The following PIK3C2G variants were observed in gnomAD, a reference collection of about 807,000 sequenced individuals.
The protein encoded by PIK3C2G is phosphatidylinositol-4-phosphate 3-kinase catalytic subunit type 2 gamma, also known as phosphatidylinositol 3-kinase C2 domain-containing subunit gamma.
A neutral mutation model predicts 181.1 loss-of-function variants in PIK3C2G; 168 were observed. That is an observed-to-expected ratio of 0.93 (90% CI 0.82 to 1.05). The LOEUF (loss-of-function observed/expected upper bound fraction) is 1.05. Among genes scored for constraint, PIK3C2G ranks in the 50% least tolerant of loss-of-function variants. The pLI, the probability that PIK3C2G is intolerant of heterozygous loss-of-function variation, is 0.00. For missense variants in PIK3C2G, 1,869 were observed against 1,732.8 expected (o/e 1.08, Z -1.40); for synonymous variants, 573 against 592.2 (o/e 0.97, Z 0.47).
intron 30 of PIK3C2G, among the ~76,000 whole-genome samples, chr12:18,594,808 T>A (rs1163031632): frequency 6.6e-6 from 1 of 152,090 alleles, no homozygotes; most frequent in Non-Finnish European, 1.5e-5. Context: ...GACTCTATTT[T>A]GTCACTAGTC....
At chr12:18,691,190 A>T in the PIK3C2G span, among the ~76,000 whole-genome samples, 1 of 152,116 alleles carries the variant, frequency 6.6e-6, no homozygotes, top group African/African-American at 2.4e-5. Flanking sequence ...TGTGAAGGAG[A>T]TGTGAAAGAT....
intron 24 of PIK3C2G, among the ~76,000 whole-genome samples, chr12:18,530,770 C>A (rs1478213720): frequency 6.6e-6 from 1 of 152,036 alleles, no homozygotes; most frequent in Non-Finnish European, 1.5e-5. Context: ...TAGCACTTCC[C>A]CCTCACCTGC....
intron 4 of PIK3C2G, among the ~76,000 whole-genome samples, chr12:18,292,227 A>AAAAAAAAAATATATATAT: frequency 2.5e-4 from 12 of 48,728 alleles, no homozygotes; most frequent in African/African-American, 4.4e-4. Flanking sequence ...AAAAAAAAAA[A>AAAAAAAAAATATATATAT]ATATATATAT....
chr12:18,318,448 A>G (rs1344357509), intron 6 of PIK3C2G, among the ~76,000 whole-genome samples: 3 of 152,136 alleles, frequency 2.0e-5, no homozygotes, highest in African/African-American at 7.2e-5. Context: ...TATATACATC[A>G]TAAGAAGATA....
intron 11 of PIK3C2G, among the ~76,000 whole-genome samples, chr12:18,347,338 C>T (rs1159158708): frequency 6.6e-6 from 1 of 152,072 alleles, no homozygotes; most frequent in African/African-American, 2.4e-5. Context: ...AAATGAACGA[C>T]AATTACACAT....
chr12:18,243,597 T>G (rs1948007642), upstream of PIK3C2G, among the ~76,000 whole-genome samples: 1 of 152,024 alleles, frequency 6.6e-6, no homozygotes, highest in Non-Finnish European at 1.5e-5. Flanking sequence ...GAGTAGACAC[T>G]AAGCCCTGAA....
intron 18 of PIK3C2G, among the ~76,000 whole-genome samples, chr12:18,486,387 T>G (rs555597744): frequency 7.9e-5 from 12 of 152,204 alleles, no homozygotes; most frequent in African/African-American, 1.4e-4. Flanking sequence ...CAAACTGAGT[T>G]TTTCCTCCTT....
chr12:18,538,392 C>T, intron 25 of PIK3C2G, 80 bp downstream of exon 25: 1 of 1,220,050 alleles, frequency 8.2e-7, no homozygotes. Flanking sequence ...TTACTAATGG[C>T]TTGGAGTTCC....
At chr12:18,342,961 C>T (rs1287405007) in intron 9 of PIK3C2G, among the ~76,000 whole-genome samples, 1 of 151,974 alleles carries the variant, frequency 6.6e-6, no homozygotes, top group Non-Finnish European at 1.5e-5. Flanking sequence ...CTGTCCAAAG[C>T]TTGCTGAATA....
intron 5 of PIK3C2G, among the ~76,000 whole-genome samples, chr12:18,304,477 A>T (rs1290867897): frequency 2.0e-5 from 3 of 152,118 alleles, no homozygotes; most frequent in Non-Finnish European, 1.5e-5. Context: ...GGCTGGTCTC[A>T]AATGCCTGAC....
intron 18 of PIK3C2G, among the ~76,000 whole-genome samples, chr12:18,434,087 T>C (rs907475208): frequency 6.6e-6 from 1 of 152,206 alleles, no homozygotes; most frequent in Non-Finnish European, 1.5e-5. Flanking sequence ...ATCAAGATGC[T>C]AGCAGGTTTG....
intron 16 of PIK3C2G, among the ~76,000 whole-genome samples, chr12:18,402,729 G>C (rs1944318204): frequency 6.6e-6 from 1 of 152,100 alleles, no homozygotes; most frequent in African/African-American, 2.4e-5. Context: ...TTAGCTGGAT[G>C]AACTTCAATA....
At position 18,314,019 on chromosome 12, in the gene PIK3C2G, C is replaced by T; in HGVS notation, c.1092C>T (p.Leu364=). 1 of 1,590,316 alleles carries T rather than the reference C, an allele frequency of 6.3e-7. No homozygotes were observed. The highest frequency in any genetic ancestry group is 8.6e-7 in the Non-Finnish European group (1 of 1,167,028). The change falls in exon 6 of 33, where the codon CTC becomes CTT. Residue 364 remains leucine, a synonymous_variant. Coordinates refer to ENST00000538779, the MANE Select transcript of PIK3C2G (RefSeq NM_001288772.2). ...MFQKDKSVIQ[L]HLQKSREAPG... The stretch of plus-strand genomic sequence containing the variant: ...AAAAAGATAAATCTGTTATTCAGCT[C>T]CACCTGCAGAAAAGTAGGGAAGCTC...
chr12:18,324,886 GT>G, intron 7 of PIK3C2G, 148 bp from the exon 8 acceptor site: 1 of 527,632 alleles, frequency 1.9e-6, no homozygotes, highest in Non-Finnish European at 3.3e-6. Context: ...CTTCTGAGAT[GT>G]TTTTAAAATT....
intron 12 of PIK3C2G, among the ~76,000 whole-genome samples, chr12:18,367,110 G>C (rs774375610): frequency 1.3e-5 from 2 of 152,142 alleles, no homozygotes; most frequent in Non-Finnish European, 2.9e-5. Context: ...GAACATTCTA[G>C]ATCATGTGAG....
At chr12:18,437,878 A>T (rs1280362108) in intron 18 of PIK3C2G, among the ~76,000 whole-genome samples, 4 of 151,884 alleles carry the variant, frequency 2.6e-5, no homozygotes, top group Admixed American at 6.6e-5. Context: ...ACTGCCTAGG[A>T]AGCGTATTGA....
chr12:18,486,762 T>C (rs1046529822), intron 18 of PIK3C2G, among the ~76,000 whole-genome samples: 1 of 152,108 alleles, frequency 6.6e-6, no homozygotes, highest in Non-Finnish European at 1.5e-5. Context: ...CCTATTCCGA[T>C]GAATCCCATG....
At chr12:18,395,484 A>G (rs1279923062) in intron 15 of PIK3C2G, among the ~76,000 whole-genome samples, 1 of 149,802 alleles carries the variant, frequency 6.7e-6, no homozygotes, top group Non-Finnish European at 1.5e-5. Context: ...TTAGTTTAGT[A>G]TAAGTTCATC....
Position 18,491,497 on chromosome 12 carries a change from A to C in PIK3C2G, c.2732A>C (p.Asp911Ala). The change falls in exon 20 of 33, where the codon GAT becomes GCT. Residue 911 changes from aspartate (D) to alanine (A), a missense_variant. Physicochemically the swap from Asp to Ala is moderately radical, Grantham distance 126. Coordinates refer to ENST00000538779, the MANE Select transcript of PIK3C2G (RefSeq NM_001288772.2). The part of the protein sequence containing the change: ...EIGRLEEFFQ[D>A]VNTCHLPLNP... ...GGCAGACTAGAAGAGTTCTTTCAAG[A>C]TGTAAATACTTGTCATCTTCCTCTG... 1 of 1,610,012 alleles carries C rather than the reference A, an allele frequency of 6.2e-7. No homozygotes were observed.
Sources: gnomAD v4.1 joint callset for allele counts (sites outside exome capture counted in the v4.1 genomes callset) on GRCh38, gnomAD v4.1.1 for gene constraint, MANE v1.5 for transcripts, NCBI Gene and HGNC (gene_info 2026-07-23, HGNC 2026-07-21) for gene names.